MYO16: variants seen among roughly 807,000 people sequenced by gnomAD.
MYO16 encodes the protein unconventional myosin-XVI.
In MYO16, 94 loss-of-function variants were observed where a neutral mutation model predicts 205.3. The observed-to-expected ratio is 0.46, with a 90% CI of 0.39 to 0.54. The LOEUF (loss-of-function observed/expected upper bound fraction) is 0.54, where lower values mean the gene tolerates loss of function less well. Among genes scored for constraint, MYO16 ranks in the 20% least tolerant of loss-of-function variants. The probability of loss-of-function intolerance (pLI) is 0.00; values close to 1 mark genes in which losing one functional copy is unlikely to be tolerated. For synonymous variants in MYO16, 988 were observed against 954.0 expected (o/e 1.04, Z -0.66); for missense variants, 2,315 against 2,387.5 (o/e 0.97, Z 0.63).
chr13:108,762,840 C>T (rs729549), intron 4 of MYO16, among the ~76,000 whole-genome samples: 79,429 of 151,890 alleles, frequency 0.52, 21,344 homozygotes, highest in East Asian at 0.63. Context: ...ACGTCTTAAC[C>T]TACGAGAACA....
chr13:109,122,891 A>G (rs907138522), intron 29 of MYO16, among the ~76,000 whole-genome samples: 23 of 152,208 alleles, frequency 1.5e-4, no homozygotes, highest in Admixed American at 2.6e-4. Flanking sequence ...CAAAATTTAT[A>G]TAATCTGGAA....
intron 14 of MYO16, 35 bp downstream of exon 14, chr13:108,888,512 T>G (rs1385862908): frequency 6.8e-7 from 1 of 1,460,080 alleles, no homozygotes; most frequent in African/African-American, 1.4e-5. Context: ...AATATGTGAA[T>G]GAAGATGTTC....
chr13:108,609,392 A>C (rs1879087661), intron 1 of MYO16, among the ~76,000 whole-genome samples: 1 of 152,214 alleles, frequency 6.6e-6, no homozygotes. Flanking sequence ...CTAGACTGTG[A>C]ATCCCATGAG....
At chr13:108,523,360 T>C in the MYO16 span, among the ~76,000 whole-genome samples, 238 of 152,344 alleles carry the variant, frequency 1.6e-3, 5 homozygotes, top group South Asian at 0.047. Flanking sequence ...CTGTTTCCAT[T>C]GCCGCTGCCC....
chr13:109,002,688 A>AGCCAATGAT (rs1885257456), intron 21 of MYO16, among the ~76,000 whole-genome samples: 1 of 152,198 alleles, frequency 6.6e-6, no homozygotes, highest in South Asian at 2.1e-4. Context: ...TTTCCATTGA[A>AGCCAATGAT]GCCAATGATG....
In MYO16 at chr13:108,793,623, G is replaced by A. The variant is rs201258873; in HGVS notation, c.724G>A (p.Asp242Asn). The change falls in exon 6 of 35, where the codon GAT becomes AAT. Residue 242 changes from aspartate to asparagine, a missense_variant. This residue lies in a region of MYO16 where 1,213 missense variants were observed against 1,274.4 expected (regional missense o/e 0.95). Coordinates refer to ENST00000457511, the MANE Select transcript of MYO16 (RefSeq NM_001198950.3). ...TGGAGGAAATGTCAATGAGAAAAAC[G>A]ATGAAGGAGTAACCCTGGTAAGTTC... ...SSGGNVNEKNDEGVTLLHMAC... is the reference protein window; with the variant it reads ...SSGGNVNEKNNEGVTLLHMAC... The A allele has an allele frequency of 1.7e-5, 27 of 1,613,502 alleles. No individual in the cohort carries two copies. The highest frequency in any genetic ancestry group is 3.3e-5 in the South Asian group (3 of 91,052).
chr13:108,519,123 T>C, the MYO16 span, among the ~76,000 whole-genome samples: 13 of 152,190 alleles, frequency 8.5e-5, no homozygotes, highest in African/African-American at 3.1e-4. Context: ...AAAAGATCAG[T>C]AGCATAAACA....
intron 12 of MYO16, among the ~76,000 whole-genome samples, chr13:108,879,553 A>G (rs1879498877): frequency 6.6e-6 from 1 of 151,840 alleles, no homozygotes; most frequent in Admixed American, 6.6e-5. Context: ...GATGTTCCCC[A>G]CCCTGTGTCC....
At chr13:108,611,061 A>G (rs1188364732) in intron 1 of MYO16, among the ~76,000 whole-genome samples, 2 of 152,340 alleles carry the variant, frequency 1.3e-5, no homozygotes, top group East Asian at 1.9e-4. Context: ...TCCATTAGGT[A>G]TCACATATAT....
intron 21 of MYO16, among the ~76,000 whole-genome samples, chr13:108,996,311 G>A (rs929317892): frequency 4.6e-5 from 7 of 152,132 alleles, no homozygotes; most frequent in African/African-American, 1.7e-4. Flanking sequence ...ATAAAATGCA[G>A]AGAAAAATTG....
intron 34 of MYO16, among the ~76,000 whole-genome samples, chr13:109,186,018 T>C (rs1024972891): frequency 6.6e-6 from 1 of 152,048 alleles, no homozygotes; most frequent in African/African-American, 2.4e-5. Context: ...CCAGGTGAAA[T>C]GTACAGACTT....
At chr13:109,144,205 G>C (rs961193557) in intron 32 of MYO16, among the ~76,000 whole-genome samples, 1 of 151,940 alleles carries the variant, frequency 6.6e-6, no homozygotes, top group Non-Finnish European at 1.5e-5. Context: ...AGTAGGGATG[G>C]GGTTTCACCA....
chr13:108,822,981 C>T (rs376195345), intron 8 of MYO16, 144 bp from the exon 9 acceptor site: 24 of 703,736 alleles, frequency 3.4e-5, no homozygotes, highest in East Asian at 5.4e-5. Context: ...TTATCCCAGC[C>T]GTAAACTTTT....
chr13:109,019,003 C>T (rs190242781), intron 22 of MYO16, among the ~76,000 whole-genome samples: 2 of 146,502 alleles, frequency 1.4e-5, no homozygotes, highest in Admixed American at 1.4e-4. Flanking sequence ...AGGGTTGCGT[C>T]TGTTGTCCAG....
At chr13:108,995,143 A>G (rs1278153473) in intron 21 of MYO16, among the ~76,000 whole-genome samples, 3 of 152,228 alleles carry the variant, frequency 2.0e-5, no homozygotes, top group African/African-American at 7.2e-5. Flanking sequence ...TTTATCGCTC[A>G]CAGTTCTGGA....
At chr13:108,785,067 A>G (rs1027555298) in intron 4 of MYO16, among the ~76,000 whole-genome samples, 7 of 152,182 alleles carry the variant, frequency 4.6e-5, no homozygotes, top group African/African-American at 1.7e-4. Flanking sequence ...AGATTTACAG[A>G]TCATGCCTTT....
intron 34 of MYO16, among the ~76,000 whole-genome samples, chr13:109,181,559 C>T (rs957535165): frequency 2.0e-5 from 3 of 152,116 alleles, no homozygotes; most frequent in African/African-American, 7.2e-5. Flanking sequence ...TTAAGGATGT[C>T]TATATTTTCA....
At chr13:108,662,071 C>G (rs1881527016) in intron 1 of MYO16, among the ~76,000 whole-genome samples, 1 of 152,196 alleles carries the variant, frequency 6.6e-6, no homozygotes, top group African/African-American at 2.4e-5. Context: ...GTCTAGCCAC[C>G]CAGTGAGTCT....
chr13:108,686,137 T>C (rs1301333203), intron 2 of MYO16, among the ~76,000 whole-genome samples: 1 of 152,142 alleles, frequency 6.6e-6, no homozygotes, highest in Non-Finnish European at 1.5e-5. Flanking sequence ...GTAGTCCTCA[T>C]CCAGGCAGAG....
Sources: gnomAD v4.1 joint callset for allele counts (sites outside exome capture counted in the v4.1 genomes callset) on GRCh38, gnomAD v4.1.1 for gene constraint, gnomAD v4.1.1 regional missense constraint, MANE v1.5 for transcripts, NCBI Gene and HGNC (gene_info 2026-07-23, HGNC 2026-07-21) for gene names.